KIF26B: variants seen among roughly 807,000 people sequenced by gnomAD.
KIF26B encodes kinesin family member 26B.
A neutral mutation model predicts 151.2 loss-of-function variants in KIF26B; 63 were observed. The observed-to-expected ratio is 0.42, with a 90% CI of 0.34 to 0.51. The LOEUF (loss-of-function observed/expected upper bound fraction) is 0.51. Among genes scored for constraint, KIF26B ranks in the 20% least tolerant of loss-of-function variants. The pLI is 0.07. For missense variants in KIF26B, 2,813 were observed against 2,913.6 expected, an observed-to-expected ratio of 0.97 and a Z score of 0.79; for synonymous variants, 1,357 against 1,262.1, an observed-to-expected ratio of 1.08 and a Z score of -1.59.
chr1:245,311,719 G>GCAACAATA (rs1240633351), intron 2 of KIF26B, among the ~76,000 whole-genome samples: 1 of 152,186 alleles, frequency 6.6e-6, no homozygotes, highest in African/African-American at 2.4e-5. Context: ...GATCACCTGA[G>GCAACAATA]GTCAGGAGTT....
At chr1:245,591,041 G>C (rs2043283989) in intron 5 of KIF26B, among the ~76,000 whole-genome samples, 1 of 152,306 alleles carries the variant, frequency 6.6e-6, no homozygotes, top group South Asian at 2.1e-4. Context: ...TGGTTAAAGG[G>C]AGATCCAGGG....
At chr1:245,285,500 G>A (rs1176026674) in intron 2 of KIF26B, among the ~76,000 whole-genome samples, 1 of 152,132 alleles carries the variant, frequency 6.6e-6, no homozygotes, top group African/African-American at 2.4e-5. Flanking sequence ...CTGCTTGCTA[G>A]TGCTGTGGAT....
intron 2 of KIF26B, among the ~76,000 whole-genome samples, chr1:245,339,570 G>C (rs755202836): frequency 5.9e-5 from 9 of 152,132 alleles, no homozygotes; most frequent in Admixed American, 5.2e-4. Flanking sequence ...GTACTAAAAC[G>C]TGATTTGGAT....
intron 4 of KIF26B, among the ~76,000 whole-genome samples, chr1:245,453,175 A>G (rs747494523): frequency 3.9e-5 from 6 of 152,000 alleles, no homozygotes; most frequent in Non-Finnish European, 8.8e-5. Flanking sequence ...AGAACACTAG[A>G]TCTGTTTTAT....
chr1:245,201,291 G>A (rs900270028), intron 2 of KIF26B, among the ~76,000 whole-genome samples: 3 of 152,154 alleles, frequency 2.0e-5, no homozygotes, highest in Non-Finnish European at 4.4e-5. Flanking sequence ...GTTATAATGT[G>A]GATGATATTA....
At chr1:245,308,397 G>C (rs1671598076) in intron 2 of KIF26B, among the ~76,000 whole-genome samples, 1 of 152,198 alleles carries the variant, frequency 6.6e-6, no homozygotes, top group South Asian at 2.1e-4. Context: ...GTGCTAGGTA[G>C]TGGAGAGAGG....
intron 2 of KIF26B, among the ~76,000 whole-genome samples, chr1:245,327,775 A>AT (rs1672021751): frequency 6.6e-6 from 1 of 152,102 alleles, no homozygotes; most frequent in South Asian, 2.1e-4. Flanking sequence ...ATTTTTAGCT[A>AT]TTTTTTCCAT....
chr1:245,353,046 T>A (rs1165177422), intron 2 of KIF26B, among the ~76,000 whole-genome samples: 1 of 152,234 alleles, frequency 6.6e-6, no homozygotes, highest in African/African-American at 2.4e-5. Context: ...AAGTAGACAA[T>A]GTATATGAAT....
intron 4 of KIF26B, among the ~76,000 whole-genome samples, chr1:245,433,872 C>T (rs1264516729): frequency 6.6e-6 from 1 of 152,044 alleles, no homozygotes; most frequent in Non-Finnish European, 1.5e-5. Context: ...ATGGTTTGTC[C>T]TTTTAAACCC....
At chr1:245,484,435 G>A (rs1660231828) in intron 4 of KIF26B, among the ~76,000 whole-genome samples, 1 of 151,762 alleles carries the variant, frequency 6.6e-6, no homozygotes, top group Non-Finnish European at 1.5e-5. Context: ...CCTGACAGAG[G>A]CCCCTCCTAA....
intron 4 of KIF26B, among the ~76,000 whole-genome samples, chr1:245,528,635 G>T (rs1661295119): frequency 6.6e-6 from 1 of 152,178 alleles, no homozygotes; most frequent in African/African-American, 2.4e-5. Flanking sequence ...ATGTCACGTG[G>T]CATCAAAGGC....
At position 245,244,798 on chromosome 1, in the gene KIF26B, G is replaced by A. The variant is rs531083594; in HGVS notation, c.465+88115G>A. Among the ~76,000 whole-genome samples, 1 of 84,008 alleles carries A rather than the reference G, an allele frequency of 1.2e-5. No individual in the cohort carries two copies. Among genetic ancestry groups the A allele is most frequent in the Non-Finnish European group, 3.1e-5 (1 of 31,818 alleles). 55.1% of individuals were successfully genotyped at this position (84,008 alleles called of 152,430 possible). On this transcript the variant is annotated intron_variant, in intron 2 of 14. Transcript: ENST00000407071. This position sits in a 1 kb window ranked among gnomAD's most constrained non-coding sequence, Gnocchi z 4.2. ...CACACACACACACACACACAGAACT[G>A]CTTTGGACTTGGATACTTCCTAGTC... is the stretch of plus-strand genomic sequence containing the variant.
intron 2 of KIF26B, among the ~76,000 whole-genome samples, chr1:245,233,127 T>C (rs1247766500): frequency 6.6e-6 from 1 of 152,232 alleles, no homozygotes; most frequent in Non-Finnish European, 1.5e-5. Flanking sequence ...CATTAGTCAC[T>C]GAGTAAATGA....
At chr1:245,351,950 T>C (rs1292811465) in intron 2 of KIF26B, among the ~76,000 whole-genome samples, 1 of 152,300 alleles carries the variant, frequency 6.6e-6, no homozygotes, top group Non-Finnish European at 1.5e-5. Flanking sequence ...GGTAAATGAA[T>C]GGATATATTG....
intron 3 of KIF26B, among the ~76,000 whole-genome samples, chr1:245,377,371 A>G (rs1673302842): frequency 6.6e-6 from 1 of 152,088 alleles, no homozygotes; most frequent in Admixed American, 6.6e-5. Flanking sequence ...CTTCTGATGC[A>G]TCCCTCCAAT....
intron 2 of KIF26B, among the ~76,000 whole-genome samples, chr1:245,300,035 C>A (rs927666084): frequency 1.3e-5 from 2 of 152,216 alleles, no homozygotes; most frequent in African/African-American, 4.8e-5. Flanking sequence ...AAATGTCCTT[C>A]TGTGAAGAGA....
At chr1:245,377,947 A>G (rs1039899172) in intron 3 of KIF26B, among the ~76,000 whole-genome samples, 1 of 152,210 alleles carries the variant, frequency 6.6e-6, no homozygotes, top group African/African-American at 2.4e-5. Context: ...TCAGGGACAA[A>G]GTCAACGATC....
At chr1:245,586,818 G>A (rs992007582) in intron 5 of KIF26B, among the ~76,000 whole-genome samples, 14 of 151,218 alleles carry the variant, frequency 9.3e-5, no homozygotes, top group African/African-American at 2.4e-4. Flanking sequence ...CCCGGGAAGC[G>A]GAGCTTGCAG....
chr1:245,556,679 G>T (rs148400297), intron 5 of KIF26B, among the ~76,000 whole-genome samples: 4,657 of 148,412 alleles, frequency 0.031, 87 homozygotes, highest in South Asian at 0.046. Flanking sequence ...TGGGATTACA[G>T]GCATGAGCCA....
Sources: allele counts gnomAD v4.1 joint callset (sites outside exome capture counted in the v4.1 genomes callset), GRCh38; gene constraint gnomAD v4.1.1; non-coding constraint Gnocchi (gnomAD v3.1); transcripts MANE v1.5; gene names NCBI Gene and HGNC (gene_info 2026-07-23, HGNC 2026-07-21).